SNX3: variants seen among roughly 807,000 people sequenced by gnomAD.
SNX3 encodes the protein sorting nexin-3.
SNX3 carries 5 observed loss-of-function variants against 17.7 expected under a neutral mutation model. The ratio of observed to expected loss-of-function variants is 0.28; its 90% CI spans 0.15 to 0.59. SNX3 has a LOEUF of 0.59. Ranked by LOEUF, SNX3 falls within the 20% of genes least tolerant of loss-of-function variation. The pLI is 0.88. For missense variants in SNX3, 132 were observed against 206.8 expected (o/e 0.64, Z 2.22); for synonymous variants, 91 against 76.5 (o/e 1.19, Z -0.99).
chr6:108,226,069 A>AG (rs1774966055), intron 1 of SNX3, among the ~76,000 whole-genome samples: 3 of 147,360 alleles, frequency 2.0e-5, no homozygotes, highest in Admixed American at 6.8e-5. Context: ...AAAAAAAAAA[A>AG]GGAGAAGAAA....
chr6:108,213,760 C>T (rs1013310801), intron 3 of SNX3, among the ~76,000 whole-genome samples: 1 of 152,032 alleles, frequency 6.6e-6, no homozygotes, highest in African/African-American at 2.4e-5. Context: ...CTTTATGTAA[C>T]CCTTTCTCTC....
At chr6:108,222,138 A>C in intron 2 of SNX3, 1 of 1,086,186 alleles carries the variant, frequency 9.2e-7, no homozygotes, top group Non-Finnish European at 1.2e-6. Context: ...CTAGAAACAG[A>C]AAAAAAAAGA....
intron 1 of SNX3, among the ~76,000 whole-genome samples, chr6:108,244,759 C>T (rs1775633177): frequency 6.8e-6 from 1 of 146,894 alleles, no homozygotes; most frequent in Non-Finnish European, 1.5e-5. Context: ...TCTGTCTCAG[C>T]TTTCCCAGTA....
chr6:108,223,494 G>GTTTTTTTTT (rs1562422738), intron 1 of SNX3, among the ~76,000 whole-genome samples: 1 of 99,336 alleles, frequency 1.0e-5, no homozygotes, highest in Admixed American at 1.2e-4. Flanking sequence ...AACTTTGCTA[G>GTTTTTTTTT]TTCTTTTTTT....
intron 1 of SNX3, among the ~76,000 whole-genome samples, chr6:108,238,482 G>A (rs1775420539): frequency 6.6e-6 from 1 of 151,966 alleles, no homozygotes; most frequent in Non-Finnish European, 1.5e-5. Context: ...GTGTTCATGA[G>A]AGCCAGGTGC....
chr6:108,244,647 GTTTTT>G (rs1021781550), intron 1 of SNX3, among the ~76,000 whole-genome samples: 12 of 87,232 alleles, frequency 1.4e-4, no homozygotes, highest in Non-Finnish European at 2.3e-4. Context: ...TAAGTAAGGA[GTTTTT>G]TTTTTTTTTT....
chr6:108,230,069 C>T (rs137974481), intron 1 of SNX3, among the ~76,000 whole-genome samples: 138 of 151,574 alleles, frequency 9.1e-4, no homozygotes, highest in Non-Finnish European at 1.1e-3. Flanking sequence ...AGTCAGACTA[C>T]TGAGGCAAAT....
intron 1 of SNX3, among the ~76,000 whole-genome samples, chr6:108,233,848 T>C (rs1356720388): frequency 1.3e-5 from 2 of 152,198 alleles, no homozygotes; most frequent in African/African-American, 2.4e-5. Flanking sequence ...TGGGCGATAA[T>C]ATTTTACCTC....
intron 1 of SNX3, among the ~76,000 whole-genome samples, chr6:108,259,532 T>C (rs929544805): frequency 4.6e-5 from 7 of 152,226 alleles, no homozygotes; most frequent in African/African-American, 1.7e-4. Context: ...GCGCCCGGCC[T>C]ATGATCCACA....
chr6:108,237,743 C>T (rs781071254), intron 1 of SNX3, among the ~76,000 whole-genome samples: 25 of 150,844 alleles, frequency 1.7e-4, no homozygotes, highest in Non-Finnish European at 3.4e-4. Flanking sequence ...GAGCTGAGAT[C>T]GTGGCACTGC....
intron 1 of SNX3, among the ~76,000 whole-genome samples, chr6:108,236,887 T>C (rs1334689835): frequency 6.6e-6 from 1 of 152,194 alleles, no homozygotes; most frequent in Non-Finnish European, 1.5e-5. Flanking sequence ...TTAAACACTA[T>C]ACACACGCAT....
At chr6:108,215,290 C>T (rs1774534032) in intron 2 of SNX3, among the ~76,000 whole-genome samples, 1 of 149,628 alleles carries the variant, frequency 6.7e-6, no homozygotes, top group Non-Finnish European at 1.5e-5. Flanking sequence ...GCAGAGCTTG[C>T]AGTGAGTGGA....
intron 1 of SNX3, among the ~76,000 whole-genome samples, chr6:108,237,800 A>C (rs1775395501): frequency 6.6e-6 from 1 of 151,738 alleles, no homozygotes; most frequent in South Asian, 2.1e-4. Context: ...AAAAAAAAAA[A>C]GAATCTACCA....
chr6:108,244,878 A>C (rs1044214195), intron 1 of SNX3, among the ~76,000 whole-genome samples: 2 of 151,968 alleles, frequency 1.3e-5, no homozygotes, highest in Admixed American at 1.3e-4. Flanking sequence ...GACCTCAAGT[A>C]ATCCACCTGC....
intron 1 of SNX3, among the ~76,000 whole-genome samples, chr6:108,257,991 G>C (rs565180635): frequency 2.0e-5 from 3 of 151,988 alleles, no homozygotes; most frequent in Non-Finnish European, 2.9e-5. Context: ...AATAAAAAAA[G>C]AAAGAAATCC....
intron 1 of SNX3, among the ~76,000 whole-genome samples, chr6:108,251,958 G>A (rs1408605851): frequency 6.6e-6 from 1 of 151,922 alleles, no homozygotes; most frequent in Non-Finnish European, 1.5e-5. Flanking sequence ...CCAGCTACTT[G>A]GGAGGCTGAA....
intron 1 of SNX3, among the ~76,000 whole-genome samples, chr6:108,245,591 A>G (rs1004436917): frequency 1.7e-4 from 26 of 152,154 alleles, no homozygotes; most frequent in African/African-American, 6.3e-4. Context: ...AAGCGTTCCT[A>G]TTTCTCCACA....
chr6:108,251,360 C>T (rs2114763983), intron 1 of SNX3, among the ~76,000 whole-genome samples: 1 of 152,256 alleles, frequency 6.6e-6, no homozygotes, highest in Non-Finnish European at 1.5e-5. Context: ...CCTAGAAGGG[C>T]CAACCACAAC....
chr6:108,240,961 T>C (rs1032650689), intron 1 of SNX3, among the ~76,000 whole-genome samples: 2 of 150,450 alleles, frequency 1.3e-5, no homozygotes, highest in African/African-American at 4.9e-5. Flanking sequence ...GCCAACACGG[T>C]GAAACCCTGT....
Sources: gnomAD v4.1 joint callset for allele counts (sites outside exome capture counted in the v4.1 genomes callset) on GRCh38, gnomAD v4.1.1 for gene constraint, MANE v1.5 for transcripts, NCBI Gene and HGNC (gene_info 2026-07-23, HGNC 2026-07-21) for gene names.